STXBP4: variants seen among roughly 807,000 people sequenced by gnomAD.
STXBP4 encodes the protein syntaxin binding protein 4, also known as syntaxin-binding protein 4.
Under a neutral mutation model 76.1 loss-of-function variants are expected in STXBP4, and 55 were observed. The observed-to-expected ratio is 0.72, with a 90% CI of 0.58 to 0.91. STXBP4 has a LOEUF of 0.91. Ranked by LOEUF, STXBP4 falls within the 40% of genes least tolerant of loss-of-function variation. The pLI is 0.00. For synonymous variants in STXBP4, 201 were observed against 220.2 expected (o/e 0.91, Z 0.77); for missense variants, 618 against 636.9 (o/e 0.97, Z 0.32).
chr17:55,200,061 T>A, the STXBP4 span, among the ~76,000 whole-genome samples: 4 of 152,246 alleles, frequency 2.6e-5, no homozygotes, highest in African/African-American at 9.6e-5. Flanking sequence ...TTCTTTAAAG[T>A]TCCTTTGTTG....
At chr17:55,011,502 C>CT (rs796486777) in intron 8 of STXBP4, among the ~76,000 whole-genome samples, 10 of 34,280 alleles carry the variant, frequency 2.9e-4, no homozygotes, top group South Asian at 2.1e-3. Context: ...AGTTTATTTT[C>CT]TTTTTCTTTT....
intron 16 of STXBP4, among the ~76,000 whole-genome samples, chr17:55,089,620 TATA>T (rs1226379174): frequency 6.6e-6 from 1 of 152,220 alleles, no homozygotes; most frequent in African/African-American, 2.4e-5. Context: ...TCTATATCAT[TATA>T]ATGCCTTTGT....
chr17:55,015,197 T>A (rs2078183583), intron 8 of STXBP4, among the ~76,000 whole-genome samples: 2 of 152,230 alleles, frequency 1.3e-5, no homozygotes, highest in Admixed American at 1.3e-4. Flanking sequence ...TGTGTTATAG[T>A]GGACATCAGT....
chr17:54,974,838 T>G (rs1258367795), intron 1 of STXBP4, among the ~76,000 whole-genome samples: 1 of 59,310 alleles, frequency 1.7e-5, no homozygotes, highest in Non-Finnish European at 3.0e-5. Context: ...GAGGCAGTTT[T>G]GCAAACTCAT....
intron 10 of STXBP4, among the ~76,000 whole-genome samples, chr17:55,034,821 G>T (rs890308115): frequency 6.6e-6 from 1 of 151,942 alleles, no homozygotes. Flanking sequence ...GATTGGTTTT[G>T]CCTCTTTTTG....
the STXBP4 span, among the ~76,000 whole-genome samples, chr17:55,211,801 T>TG: frequency 0.04 from 4,028 of 99,900 alleles, 163 homozygotes; most frequent in East Asian, 0.21. Context: ...TTTTTGTTGT[T>TG]TTTTTTTTTT....
intron 16 of STXBP4, among the ~76,000 whole-genome samples, chr17:55,095,833 A>G (rs976374343): frequency 1.3e-5 from 2 of 152,202 alleles, no homozygotes; most frequent in Admixed American, 6.5e-5. Context: ...GGACAATGTC[A>G]GAATCATAAT....
chr17:55,115,345 A>G (rs1349522466), intron 16 of STXBP4, among the ~76,000 whole-genome samples: 1 of 151,872 alleles, frequency 6.6e-6, no homozygotes, highest in Admixed American at 6.6e-5. Flanking sequence ...TAGGAAAAAT[A>G]TATCAGTATA....
the STXBP4 span, among the ~76,000 whole-genome samples, chr17:55,184,671 G>A: frequency 7.9e-5 from 12 of 152,246 alleles, no homozygotes; most frequent in Admixed American, 3.3e-4. Flanking sequence ...CATCATAAAC[G>A]TCAGGGGAAA....
intron 12 of STXBP4, among the ~76,000 whole-genome samples, chr17:55,056,152 AT>A (rs1421545192): frequency 4.6e-5 from 7 of 152,360 alleles, no homozygotes; most frequent in Non-Finnish European, 8.8e-5. Context: ...TAAGAGCTAC[AT>A]TTTTAAAAAA....
At chr17:55,111,501 A>G (rs1428439701) in intron 16 of STXBP4, among the ~76,000 whole-genome samples, 3 of 152,176 alleles carry the variant, frequency 2.0e-5, no homozygotes, top group Admixed American at 2.0e-4. Context: ...TGATTGGATC[A>G]TGAGAGTGGA....
intron 16 of STXBP4, among the ~76,000 whole-genome samples, chr17:55,128,588 C>A (rs1053191423): frequency 2.0e-5 from 3 of 152,100 alleles, no homozygotes; most frequent in Non-Finnish European, 4.4e-5. Flanking sequence ...TATAAGATTT[C>A]ATAGTCCTTT....
At chr17:55,126,493 G>A (rs2079914593) in intron 16 of STXBP4, among the ~76,000 whole-genome samples, 1 of 152,176 alleles carries the variant, frequency 6.6e-6, no homozygotes, top group Admixed American at 6.5e-5. Context: ...AAACAGGAAT[G>A]GGATATTTCT....
chr17:55,042,594 C>T (rs1480531362), intron 10 of STXBP4, among the ~76,000 whole-genome samples: 4 of 151,906 alleles, frequency 2.6e-5, no homozygotes, highest in Non-Finnish European at 5.9e-5. Context: ...TCTGATTAGA[C>T]TATCATTGTT....
chr17:55,144,005 G>GCGCACACA (rs373154905), intron 17 of STXBP4, among the ~76,000 whole-genome samples: 40 of 138,934 alleles, frequency 2.9e-4, no homozygotes, highest in African/African-American at 1.1e-3. Flanking sequence ...AAAGCCACCT[G>GCGCACACA]CACACACACA....
At position 55,075,850 on chromosome 17, in the gene STXBP4, T is replaced by C. The variant is rs370389108; in HGVS notation, c.1189-2228T>C. ...CATCTCTTCTCAACTCAATGTACAG[T>C]GATATCAGGTTGGTAGCTTGAAATC... On this transcript the variant is annotated intron_variant, in intron 13 of 17. Transcript: ENST00000376352. Among the ~76,000 whole-genome samples, 15 of 152,260 alleles carry C rather than the reference T, an allele frequency of 9.9e-5. 1 individual carries two copies. In the East Asian group the frequency reaches 2.5e-3, roughly 25 times the overall value.
chr17:54,997,520 T>A (rs888618182), intron 4 of STXBP4, among the ~76,000 whole-genome samples: 21 of 135,608 alleles, frequency 1.5e-4, no homozygotes, highest in South Asian at 4.8e-4. Context: ...AAATTTTTTT[T>A]AAATTATATA....
intron 16 of STXBP4, among the ~76,000 whole-genome samples, chr17:55,095,102 T>C (rs1462649934): frequency 6.6e-6 from 1 of 152,214 alleles, no homozygotes; most frequent in Non-Finnish European, 1.5e-5. Context: ...TACTATCTAG[T>C]ACTTAATCAA....
chr17:54,975,088 C>T (rs769355874), intron 1 of STXBP4, among the ~76,000 whole-genome samples: 4 of 152,138 alleles, frequency 2.6e-5, no homozygotes, highest in Non-Finnish European at 5.9e-5. Context: ...TGATTCCTAC[C>T]CCACTTAGAT....
Sources: allele counts gnomAD v4.1 joint callset (sites outside exome capture counted in the v4.1 genomes callset), GRCh38; gene constraint gnomAD v4.1.1; transcripts MANE v1.5; gene names NCBI Gene and HGNC (gene_info 2026-07-23, HGNC 2026-07-21).